Variants in ATP8B3 observed in about 807,000 individuals in gnomAD.
ATP8B3 encodes the protein phospholipid-transporting ATPase IK.
In ATP8B3, 141 loss-of-function variants were observed where a neutral mutation model predicts 140.9. The ratio of observed to expected loss-of-function variants is 1.00; its 90% CI spans 0.87 to 1.15. The LOEUF is 1.15. Among genes scored for constraint, ATP8B3 ranks in the 50% most tolerant of loss-of-function variants. The probability of loss-of-function intolerance (pLI) is 0.00; values close to 1 mark genes in which losing one functional copy is unlikely to be tolerated. For synonymous variants in ATP8B3, 765 were observed against 714.6 expected (o/e 1.07, Z -1.13); for missense variants, 1,874 against 1,740.6 (o/e 1.08, Z -1.36).
In ATP8B3 at chr19:1,785,625, G is replaced by A. The variant is rs746281643; in HGVS notation, c.3237C>T (p.Phe1079=). The part of the protein sequence containing the change: ...QKDELFNYWV[F]VQAIAHGVTT... The stretch of plus-strand genomic sequence containing the variant: ...TCACACCATGGGCGATGGCTTGGAC[G>A]AAGACCCAGTAGTTGAAGAGCTCGT... The change falls in exon 26 of 29, where the codon TTC becomes TTT. Residue 1079 remains phenylalanine, a synonymous_variant. Transcript: ENST00000310127. 6.2e-6 allele frequency: 10 copies of A among 1,613,184 alleles called. No individual in the cohort carries two copies. The South Asian group carries it at 6.6e-5, about 11-fold the overall frequency.
At position 1,789,505 on chromosome 19, in the gene ATP8B3, C is replaced by G. The variant is rs373259140; in HGVS notation, c.2701G>C (p.Asp901His). 82 of 1,597,992 alleles carry G rather than the reference C, an allele frequency of 5.1e-5. No homozygotes were observed. The highest frequency in any genetic ancestry group is 6.5e-5 in the Non-Finnish European group (77 of 1,179,170). The change falls in exon 23 of 29, where the codon GAC becomes CAC. Residue 901 changes from aspartate (D) to histidine (H), a missense_variant. Transcript: ENST00000310127. ...ACCGCCTGGCACTTGGACGCCAGGT[C>G]CACGAAGGCGCGCTCCTGCAGCACC... is the stretch of plus-strand genomic sequence containing the variant. ...SEVLQERAFVDLASKCQAVIC... is the reference protein window; with the variant it reads ...SEVLQERAFVHLASKCQAVIC...
rs1412228281 is a variant in ATP8B3, at chr19:1,806,626, A to C, written c.677+2T>G. 1 of 1,556,858 alleles carries C rather than the reference A, an allele frequency of 6.4e-7. No individual in the cohort carries two copies. Among genetic ancestry groups the C allele is most frequent in the Non-Finnish European group, 8.7e-7 (1 of 1,150,490 alleles). On this transcript the variant is annotated splice_donor_variant, in intron 7 of 28. Coordinates refer to ENST00000310127, the MANE Select transcript of ATP8B3 (RefSeq NM_138813.4). LOFTEE classifies it high-confidence loss of function. The surrounding 1 kb of genome is among the most constrained non-coding windows in gnomAD (Gnocchi z 5.6). Reference sequence around the variant, plus strand: ...GATCCCCAGCTGCAGCCCCAGCCTCACCTCTTCCCCATCAGAATCTGGCAG... The same window carrying C: ...GATCCCCAGCTGCAGCCCCAGCCTCCCCTCTTCCCCATCAGAATCTGGCAG...
At chr19:1,788,869 C>A in intron 24 of ATP8B3, 28 bp downstream of exon 24, 1 of 1,552,398 alleles carries the variant, frequency 6.4e-7, no homozygotes, top group Non-Finnish European at 8.7e-7. Context: ...AGGCCCTGGT[C>A]ATGGGGCAGC....
At chr19:1,808,614 G>A (rs1365106337) in intron 4 of ATP8B3, among the ~76,000 whole-genome samples, 1 of 152,172 alleles carries the variant, frequency 6.6e-6, no homozygotes, top group Non-Finnish European at 1.5e-5. Flanking sequence ...AGCATTTACT[G>A]AGCACCTGCT....
At chr19:1,795,846 C>T (rs545207281) in intron 18 of ATP8B3, 29 bp downstream of exon 18, 49 of 1,233,500 alleles carry the variant, frequency 4.0e-5, no homozygotes, top group African/African-American at 2.9e-4. Context: ...CACACACACA[C>T]ATAAGCCAGC....
At chr19:1,791,087 A>T (rs1321754452) in intron 20 of ATP8B3, among the ~76,000 whole-genome samples, 1 of 152,228 alleles carries the variant, frequency 6.6e-6, no homozygotes, top group Non-Finnish European at 1.5e-5. Context: ...CAGCAGGCAC[A>T]TGTGCCTAGG....
At chr19:1,798,458 G>T (rs2068746073) in intron 14 of ATP8B3, among the ~76,000 whole-genome samples, 1 of 151,784 alleles carries the variant, frequency 6.6e-6, no homozygotes, top group South Asian at 2.1e-4. Context: ...CTGTTTTGTG[G>T]CCGGGCGCGG....
rs569828480 is a variant in ATP8B3, at chr19:1,783,098, C to T, written c.3833G>A (p.Ser1278Asn). The T allele has an allele frequency of 1.5e-5, 24 of 1,613,536 alleles. No individual in the cohort carries two copies. The South Asian group carries it at 2.4e-4, about 16-fold the overall frequency. Residue 1278 changes from serine to asparagine, a missense_variant, in exon 29 of 29, where the codon AGT (serine) becomes AAT (asparagine). Ser to Asn is a conservative substitution (Grantham distance 46, BLOSUM62 1). Transcript: ENST00000310127. ...TILRRGPGVSSDIASESLDPS... is the reference protein window; with the variant it reads ...TILRRGPGVSNDIASESLDPS... ...GTCTAGGGATTCAGATGCTATGTCA[C>T]TGCTGACCCCTGGTCCCCTCCGCAG...
chr19:1,783,477 C>T (rs986949912), intron 28 of ATP8B3, among the ~76,000 whole-genome samples: 3 of 152,220 alleles, frequency 2.0e-5, no homozygotes, highest in African/African-American at 7.2e-5. Flanking sequence ...TTTCAAGACC[C>T]ACTAATTGGC....
At chr19:1,796,371 T>G in intron 16 of ATP8B3, 106 bp from the exon 17 acceptor site, 2 of 1,135,464 alleles carry the variant, frequency 1.8e-6, no homozygotes, top group Non-Finnish European at 1.2e-6. Context: ...TTATTGATGG[T>G]GGCCGGGGAC....
chr19:1,809,554 G>A, intron 4 of ATP8B3, 89 bp downstream of exon 4: 1 of 1,076,124 alleles, frequency 9.3e-7, no homozygotes, highest in East Asian at 2.6e-5. Context: ...TACAAGCAGA[G>A]GCAGGACTCA....
intron 14 of ATP8B3, among the ~76,000 whole-genome samples, chr19:1,798,009 C>G (rs1444079958): frequency 2.0e-5 from 3 of 151,714 alleles, no homozygotes; most frequent in Non-Finnish European, 4.4e-5. Context: ...CTCTCTATCA[C>G]CCAGGCTGCT....
At position 1,800,147 on chromosome 19, in the gene ATP8B3, A is replaced by G; in HGVS notation, c.1352T>C (p.Phe451Ser). The change falls in exon 14 of 29, where the codon TTC becomes TCC. Residue 451 changes from phenylalanine (F) to serine (S), a missense_variant. Around this residue, in one of 3 missense-constraint regions of ATP8B3, gnomAD observed 1,032 missense variants for 963.6 expected, o/e 1.07. Transcript: ENST00000310127. This position sits in a 1 kb window ranked among gnomAD's most constrained non-coding sequence, Gnocchi z 4.4. ...IPMSMFILSE[F>S]IYLGNSVFID... ...GAAGACGCTGTTCCCCAGGTAGATG[A>G]ACTCGGACCTGCAGAGGCACTCAGG... The G allele has an allele frequency of 6.4e-7, 1 of 1,557,952 alleles. No individual in the cohort carries two copies. The highest frequency in any genetic ancestry group is 8.7e-7 in the Non-Finnish European group (1 of 1,150,356).
chr19:1,807,563 C>T lies in ATP8B3; in HGVS notation c.517-297G>A, dbSNP rs964360388. 6.6e-6 allele frequency among the ~76,000 whole-genome samples: 1 copy of T among 152,206 alleles called. No homozygotes were observed. The highest frequency in any genetic ancestry group is 1.5e-5 in the Non-Finnish European group (1 of 68,024). On this transcript the variant is annotated intron_variant, in intron 5 of 28. Transcript: ENST00000310127. The surrounding 1 kb of genome is among the most constrained non-coding windows in gnomAD (Gnocchi z 5.9). ...AGCCTCCCCCAGCCCCAAGCTTGGC[C>T]GCCACTGCTCCCCCTCCCTCCCATG... is the stretch of plus-strand genomic sequence containing the variant.
In ATP8B3 at chr19:1,782,395, T is replaced by C. The variant is rs546499771; in HGVS notation, c.*633A>G. 8.7e-6 allele frequency: 2 copies of C among 229,404 alleles called. No homozygotes were observed. The highest frequency in any genetic ancestry group is 1.0e-4 in the East Asian group (1 of 9,944). The allele number at this position is 229,404 out of a possible 1,614,324, so 14.2% of individuals were successfully genotyped here. ...GCACCAGCAGCCACTCCATGGATGA[T>C]GATGACTGCTTCTCCGCGGGCCACA... On this transcript the variant is annotated 3_prime_UTR_variant, in exon 29 of 29. Transcript: ENST00000310127.
rs1378170381 is a variant in ATP8B3, at chr19:1,810,628, TC to T, written c.303del (p.Asn102ThrfsTer23). On this transcript the variant is annotated frameshift_variant, in exon 3 of 29. Coordinates refer to ENST00000310127, the MANE Select transcript of ATP8B3 (RefSeq NM_138813.4). LOFTEE classifies it high-confidence loss of function. ...GQREDLQDED[R>X]NSAFTWKVQA... ...CTCTGCCCAGGATCAGCACCTGAGT[TC>T]CTGTCCTCATCTTGGAGATCTTCTC... 4.3e-6 allele frequency: 7 copies of T among 1,612,870 alleles called. No individual in the cohort carries two copies. The highest frequency in any genetic ancestry group is 4.0e-5 in the African/African-American group (3 of 74,888).
chr19:1,801,984 T>C lies in ATP8B3; in HGVS notation c.1124A>G (p.Asp375Gly). ...AACCACCAGCTTGTTCATCAGGAGG[T>C]CCAGCTTGGTTCTCTTCAAATGGAT... ...GKIHLKRTKL[D>G]LLMNKLVVVI... Residue 375 changes from aspartate to glycine, a missense_variant, in exon 12 of 29, where the codon GAC becomes GGC. Asp to Gly is a moderately conservative substitution (Grantham distance 94). Coordinates refer to ENST00000310127, the MANE Select transcript of ATP8B3 (RefSeq NM_138813.4). The C allele has an allele frequency of 6.2e-7, 1 of 1,612,560 alleles. No homozygotes were observed. Among genetic ancestry groups the C allele is most frequent in the African/African-American group, 1.3e-5 (1 of 74,910 alleles).
Position 1,790,813 on chromosome 19 carries a change from G to A in ATP8B3, c.2322C>T (p.Gly774=), listed in dbSNP as rs778207045. Reference sequence around the variant, plus strand: ...TCTCTGACAGCAGCTCGCAGGCGAAGCCGATGTTCACAGCCGTTTCTGCGA... The same window carrying A: ...TCTCTGACAGCAGCTCGCAGGCGAAACCGATGTTCACAGCCGTTTCTGCGA... ...GDKQETAVNI[G]FACELLSENM... Residue 774 remains glycine, a synonymous_variant, in exon 21 of 29, where the codon GGC becomes GGT. Coordinates refer to ENST00000310127, the MANE Select transcript of ATP8B3 (RefSeq NM_138813.4). The A allele has an allele frequency of 6.2e-7, 1 of 1,603,284 alleles. No homozygotes were observed. Among genetic ancestry groups the A allele is most frequent in the South Asian group, 1.1e-5 (1 of 89,032 alleles).
In ATP8B3 at chr19:1,800,417, C is replaced by T. The variant is rs761993626; in HGVS notation, c.1185G>A (p.Val395=). The change falls in exon 13 of 29, where the codon GTG becomes GTA. Residue 395 remains valine (V), a synonymous_variant. Coordinates refer to ENST00000310127, the MANE Select transcript of ATP8B3 (RefSeq NM_138813.4). The surrounding 1 kb of genome is among the most constrained non-coding windows in gnomAD (Gnocchi z 4.4). ...IFISVVLVCL[V]LAFGFGFSVK... is the part of the protein sequence containing the mutation. Reference sequence around the variant, plus strand: ...CTGAGAAACCGAAGCCGAAGGCCAACACCAGGCAGACAAGCACCACGGAGA... The same window carrying T: ...CTGAGAAACCGAAGCCGAAGGCCAATACCAGGCAGACAAGCACCACGGAGA... The T allele has an allele frequency of 1.9e-6, 3 of 1,612,484 alleles. No homozygotes were observed. Among genetic ancestry groups the T allele is most frequent in the Non-Finnish European group, 2.5e-6 (3 of 1,179,804 alleles).
Sources: gnomAD v4.1 joint callset for allele counts (sites outside exome capture counted in the v4.1 genomes callset) on GRCh38, gnomAD v4.1.1 for gene constraint, gnomAD v4.1.1 regional missense constraint, Gnocchi (gnomAD v3.1) non-coding constraint, MANE v1.5 for transcripts, NCBI Gene and HGNC (gene_info 2026-07-23, HGNC 2026-07-21) for gene names.